Variants in PDE7B observed in about 807,000 individuals in gnomAD.
PDE7B encodes the protein 3',5'-cyclic-AMP phosphodiesterase 7B.
A neutral mutation model predicts 56.2 loss-of-function variants in PDE7B; 29 were observed. That is an observed-to-expected ratio of 0.52 (90% confidence interval 0.38 to 0.70). The LOEUF (loss-of-function observed/expected upper bound fraction) is 0.70. PDE7B is among the 30% of genes least tolerant of loss of function. The pLI, the probability that PDE7B is intolerant of heterozygous loss-of-function variation, is 0.00. For synonymous variants in PDE7B, 197 were observed against 196.9 expected, an observed-to-expected ratio of 1.00 and a Z score of 0.00; for missense variants, 490 against 565.0, an observed-to-expected ratio of 0.87 and a Z score of 1.35.
intron 3 of PDE7B, among the ~76,000 whole-genome samples, chr6:136,121,408 A>C (rs1212178101): frequency 6.6e-6 from 1 of 152,208 alleles, no homozygotes; most frequent in Non-Finnish European, 1.5e-5. Context: ...ATGTTCTACC[A>C]CATTAGCTTT....
intron 2 of PDE7B, among the ~76,000 whole-genome samples, chr6:135,972,245 A>C (rs1775106122): frequency 6.6e-6 from 1 of 151,076 alleles, no homozygotes; most frequent in Non-Finnish European, 1.5e-5. Context: ...AAAAAAAAAA[A>C]AAAAAAAAAA....
intron 1 of PDE7B, among the ~76,000 whole-genome samples, chr6:135,935,189 T>TA (rs1562445434): frequency 3.9e-4 from 14 of 35,828 alleles, no homozygotes; most frequent in East Asian, 2.5e-3. Context: ...TATATATTTA[T>TA]TTATATATAT....
chr6:135,929,455 G>C (rs188718292), intron 1 of PDE7B, among the ~76,000 whole-genome samples: 1 of 152,032 alleles, frequency 6.6e-6, no homozygotes, highest in East Asian at 1.9e-4. Context: ...AGATTTCAAA[G>C]ACTTAGTCCA....
chr6:135,908,846 G>A (rs1165660932), intron 1 of PDE7B, among the ~76,000 whole-genome samples: 1 of 151,986 alleles, frequency 6.6e-6, no homozygotes, highest in Non-Finnish European at 1.5e-5. Flanking sequence ...ATTTCTGAAT[G>A]GTCAAAAAAA....
intron 2 of PDE7B, among the ~76,000 whole-genome samples, chr6:136,106,768 A>G (rs1021488926): frequency 3.9e-5 from 6 of 152,212 alleles, no homozygotes; most frequent in African/African-American, 1.4e-4. Flanking sequence ...TAGGGTGTTC[A>G]AGACAACTGC....
intron 2 of PDE7B, among the ~76,000 whole-genome samples, chr6:135,974,362 A>G (rs1562457250): frequency 6.6e-6 from 1 of 151,996 alleles, no homozygotes; most frequent in Non-Finnish European, 1.5e-5. Flanking sequence ...ATAAAATTCA[A>G]TCCTCTCTAC....
At chr6:136,175,039 G>C (rs570910442) in intron 9 of PDE7B, among the ~76,000 whole-genome samples, 3 of 152,298 alleles carry the variant, frequency 2.0e-5, no homozygotes, top group African/African-American at 7.2e-5. Context: ...AGAAGAAAAT[G>C]CAAGGGAAAT....
intron 2 of PDE7B, among the ~76,000 whole-genome samples, chr6:136,073,475 C>G (rs1777081384): frequency 6.6e-6 from 1 of 152,162 alleles, no homozygotes; most frequent in African/African-American, 2.4e-5. Context: ...AGTCCAGGAT[C>G]AAGGCATCTG....
At chr6:136,105,800 C>T (rs1328669966) in intron 2 of PDE7B, among the ~76,000 whole-genome samples, 2 of 152,202 alleles carry the variant, frequency 1.3e-5, no homozygotes, top group Admixed American at 1.3e-4. Context: ...CATTTGGCCA[C>T]AGGGTACTCT....
In PDE7B at chr6:136,194,363, G is replaced by A. The variant is rs1583938296; in HGVS notation, c.*2523G>A. ...CATTACAATTAGGTCTTGAAGAAGA[G>A]CTCACAGAGAAAAAACTACCAAATA... On this transcript the variant is annotated 3_prime_UTR_variant, in exon 13 of 13. Transcript: ENST00000308191. The A allele has an allele frequency of 6.6e-6, 1 of 152,128 alleles. No individual in the cohort carries two copies. Among genetic ancestry groups the A allele is most frequent in the South Asian group, 2.1e-4 (1 of 4,832 alleles). 9.4% of individuals were successfully genotyped at this position (152,128 alleles called of 1,614,324 possible). A position where few individuals can be genotyped will look rare whatever the true frequency, so the allele number is the denominator to read the frequency against.
chr6:136,149,413 T>G (rs1236352558), intron 5 of PDE7B, among the ~76,000 whole-genome samples: 2 of 152,226 alleles, frequency 1.3e-5, no homozygotes, highest in African/African-American at 4.8e-5. Context: ...ACAGATTAGA[T>G]TCTTTTCTTG....
At chr6:136,098,653 A>G (rs1227283941) in intron 2 of PDE7B, among the ~76,000 whole-genome samples, 3 of 152,106 alleles carry the variant, frequency 2.0e-5, no homozygotes, top group Non-Finnish European at 4.4e-5. Context: ...ATTACAAGTG[A>G]GACTTCTCCT....
chr6:136,046,560 G>T (rs901535333), intron 2 of PDE7B, among the ~76,000 whole-genome samples: 3 of 152,302 alleles, frequency 2.0e-5, no homozygotes, highest in Middle Eastern at 3.4e-3. Flanking sequence ...ACGCCTGAGA[G>T]GTGCCAACCT....
At chr6:135,909,025 T>C (rs900721469) in intron 1 of PDE7B, among the ~76,000 whole-genome samples, 17 of 152,228 alleles carry the variant, frequency 1.1e-4, no homozygotes, top group African/African-American at 3.6e-4. Flanking sequence ...AAGCATTAAG[T>C]TATCAAAGTG....
chr6:136,166,799 C>A (rs577366697), intron 8 of PDE7B, among the ~76,000 whole-genome samples: 2 of 152,260 alleles, frequency 1.3e-5, no homozygotes, highest in East Asian at 3.9e-4. Context: ...TTACCCCTAC[C>A]AAAGTCTGTT....
intron 6 of PDE7B, 34 bp downstream of exon 6, chr6:136,151,289 C>A: frequency 9.0e-7 from 1 of 1,115,342 alleles, no homozygotes; most frequent in Non-Finnish European, 1.4e-6. Flanking sequence ...TAGCCCCATT[C>A]TCTTGAATAA....
At chr6:135,876,469 T>C (rs1212424093) in intron 1 of PDE7B, among the ~76,000 whole-genome samples, 1 of 152,240 alleles carries the variant, frequency 6.6e-6, no homozygotes, top group African/African-American at 2.4e-5. Flanking sequence ...TATTTCATCA[T>C]AAGCTGGTGA....
intron 2 of PDE7B, among the ~76,000 whole-genome samples, chr6:136,045,790 A>G (rs1776492456): frequency 6.6e-6 from 1 of 152,046 alleles, no homozygotes; most frequent in South Asian, 2.1e-4. Flanking sequence ...GAAAATTGTA[A>G]AATAAAATCA....
chr6:135,990,570 T>G (rs1490026597), intron 2 of PDE7B, among the ~76,000 whole-genome samples: 3 of 152,232 alleles, frequency 2.0e-5, no homozygotes, highest in African/African-American at 7.2e-5. Context: ...AGCATCCTGC[T>G]AGCCAGGAGT....
Sources: gnomAD v4.1 joint callset for allele counts (sites outside exome capture counted in the v4.1 genomes callset) on GRCh38, gnomAD v4.1.1 for gene constraint, MANE v1.5 for transcripts, NCBI Gene and HGNC (gene_info 2026-07-23, HGNC 2026-07-21) for gene names.